The following EHBP1 variants were observed in gnomAD, a reference collection of about 807,000 sequenced individuals.
EHBP1 encodes EH domain binding protein 1.
EHBP1 carries 55 observed loss-of-function variants against 144.0 expected under a neutral mutation model. The ratio of observed to expected loss-of-function variants is 0.38; its 90% CI spans 0.31 to 0.48. The LOEUF is 0.48. Ranked by LOEUF, EHBP1 falls within the 20% of genes least tolerant of loss-of-function variation. The probability of loss-of-function intolerance (pLI) is 0.98; values close to 1 mark genes in which losing one functional copy is unlikely to be tolerated. For synonymous variants in EHBP1, 469 were observed against 472.7 expected (o/e 0.99, Z 0.10); for missense variants, 1,200 against 1,364.2 (o/e 0.88, Z 1.90).
At chr2:62,790,054 C>T (rs1298337125) in intron 5 of EHBP1, among the ~76,000 whole-genome samples, 2 of 152,132 alleles carry the variant, frequency 1.3e-5, no homozygotes, top group African/African-American at 4.8e-5. Flanking sequence ...TTCAGTGAGC[C>T]AGTCTTTGAA....
At chr2:63,038,459 G>A (rs2061532915) in intron 20 of EHBP1, among the ~76,000 whole-genome samples, 1 of 152,050 alleles carries the variant, frequency 6.6e-6, no homozygotes, top group Non-Finnish European at 1.5e-5. Context: ...TTAGAAAATA[G>A]CCTTATACTT....
intron 5 of EHBP1, among the ~76,000 whole-genome samples, chr2:62,811,977 G>C (rs989764917): frequency 6.6e-6 from 1 of 152,162 alleles, no homozygotes; most frequent in Admixed American, 6.5e-5. Flanking sequence ...CCTTTAAGAG[G>C]TGATTAGATC....
At chr2:62,911,533 C>T (rs759230776) in intron 10 of EHBP1, among the ~76,000 whole-genome samples, 1 of 152,166 alleles carries the variant, frequency 6.6e-6, no homozygotes, top group African/African-American at 2.4e-5. Flanking sequence ...ACAATTTTGG[C>T]TCACTGCAAC....
At chr2:63,005,964 T>C (rs988873591) in intron 19 of EHBP1, among the ~76,000 whole-genome samples, 1 of 152,022 alleles carries the variant, frequency 6.6e-6, no homozygotes. Context: ...TTTATATAAT[T>C]GAGTATAGGA....
chr2:62,752,961 C>A (rs901208985), intron 3 of EHBP1, among the ~76,000 whole-genome samples: 1 of 152,074 alleles, frequency 6.6e-6, no homozygotes. Context: ...ATCCAAATTG[C>A]CAGTTTGTTT....
In EHBP1 at chr2:62,707,163, G is replaced by GTGTCTT. The variant is rs1558524148; in HGVS notation, c.-29_-28insTGTCTT. 6 of 1,586,680 alleles carry GTGTCTT rather than the reference G, an allele frequency of 3.8e-6. No individual in the cohort carries two copies. In the African/African-American group the frequency reaches 8.1e-5, roughly 21 times the overall value. ...TTAAAGCTGCTGTATTGCTAACCCA[G>GTGTCTT]AACTGCTCCAGTGTCTTGACTGATC... On this transcript the variant is annotated 5_prime_UTR_variant, in exon 2 of 23. Coordinates refer to ENST00000431489, the MANE Select transcript of EHBP1 (RefSeq NM_001142616.3).
intron 2 of EHBP1, among the ~76,000 whole-genome samples, chr2:62,728,517 A>G (rs540230323): frequency 1.3e-5 from 2 of 152,192 alleles, no homozygotes; most frequent in Non-Finnish European, 1.5e-5. Context: ...CAATATTTTC[A>G]TATGCTTATA....
At chr2:63,025,095 T>C (rs755245497) in intron 19 of EHBP1, among the ~76,000 whole-genome samples, 12 of 152,250 alleles carry the variant, frequency 7.9e-5, no homozygotes, top group Admixed American at 2.0e-4. Flanking sequence ...ATTAAAAGAT[T>C]AGTTTCCATC....
rs2045738082 is a variant in EHBP1, at chr2:62,819,647, C to T, written c.313-6440C>T. On this transcript the variant is annotated intron_variant, in intron 5 of 22. Coordinates refer to ENST00000431489, the MANE Select transcript of EHBP1 (RefSeq NM_001142616.3). The stretch of plus-strand genomic sequence containing the variant: ...GGCATGGTGGTGCACACCTGTAATC[C>T]CAGCTACTTGGGAGACTGAGGAAGG... Among the ~76,000 whole-genome samples the T allele has an allele frequency of 2.0e-5, 3 of 151,606 alleles. No homozygotes were observed. The South Asian group carries it at 6.3e-4, about 32-fold the overall frequency.
chr2:62,968,990 A>T (rs2058370842), intron 14 of EHBP1, among the ~76,000 whole-genome samples: 1 of 152,238 alleles, frequency 6.6e-6, no homozygotes. Flanking sequence ...ACACAAGGTG[A>T]TACTTACTTA....
At chr2:62,821,137 A>T (rs1228474419) in intron 5 of EHBP1, among the ~76,000 whole-genome samples, 1 of 152,104 alleles carries the variant, frequency 6.6e-6, no homozygotes, top group African/African-American at 2.4e-5. Flanking sequence ...GCCCTGAAAA[A>T]TTATAAAAAT....
chr2:62,998,966 A>G (rs1173692553), intron 19 of EHBP1, among the ~76,000 whole-genome samples: 2 of 152,142 alleles, frequency 1.3e-5, no homozygotes, highest in African/African-American at 2.4e-5. Context: ...GAAAGGGTAC[A>G]TTCATCCTTT....
chr2:62,842,605 C>T (rs538485036), intron 7 of EHBP1, among the ~76,000 whole-genome samples: 75 of 152,312 alleles, frequency 4.9e-4, no homozygotes, highest in South Asian at 2.3e-3. Flanking sequence ...TGCCCCCTGC[C>T]TCTTAAGCTT....
chr2:62,771,285 A>T, intron 4 of EHBP1, 54 bp from the exon 5 acceptor site: 1 of 1,365,040 alleles, frequency 7.3e-7, no homozygotes. Flanking sequence ...AATTGGGTTT[A>T]TTGGACTAAA....
intron 10 of EHBP1, among the ~76,000 whole-genome samples, chr2:62,929,386 A>C (rs2055797419): frequency 6.6e-6 from 1 of 152,212 alleles, no homozygotes; most frequent in Admixed American, 6.5e-5. Context: ...ACCACAACCA[A>C]GTGGGATTTA....
chr2:62,821,919 T>A (rs2046012457), intron 5 of EHBP1, among the ~76,000 whole-genome samples: 1 of 152,204 alleles, frequency 6.6e-6, no homozygotes, highest in Admixed American at 6.5e-5. Context: ...CAATGCATAA[T>A]AATCACATCA....
At chr2:62,848,756 C>T (rs2048476197) in intron 7 of EHBP1, among the ~76,000 whole-genome samples, 1 of 152,054 alleles carries the variant, frequency 6.6e-6, no homozygotes, top group Admixed American at 6.5e-5. Context: ...ATAGTTATAG[C>T]CTGTGGGACT....
At chr2:62,727,071 C>T (rs970530210) in intron 2 of EHBP1, among the ~76,000 whole-genome samples, 2 of 152,188 alleles carry the variant, frequency 1.3e-5, no homozygotes, top group African/African-American at 4.8e-5. Context: ...CCATGTTGGT[C>T]AGGCTGGTCT....
chr2:62,993,587 A>T lies in EHBP1; in HGVS notation c.2791A>T (p.Asn931Tyr). The T allele has an allele frequency of 2.5e-6, 4 of 1,609,634 alleles. No homozygotes were observed. Among genetic ancestry groups the T allele is most frequent in the Non-Finnish European group, 2.5e-6 (3 of 1,177,194 alleles). The change falls in exon 17 of 23, where the codon AAT becomes TAT. Residue 931 changes from asparagine (N) to tyrosine (Y), a missense_variant. Asn to Tyr is a moderately radical substitution (Grantham distance 143, BLOSUM62 -2). Coordinates refer to ENST00000431489, the MANE Select transcript of EHBP1 (RefSeq NM_001142616.3). ...RLQKTTERFR[N>Y]PVVFSKDSTV... ...ACAAAAAACAACAGAACGTTTTAGAAATCCTGTTGTGTTCAGCAAAGATTC... is the reference window on the plus strand; with the variant it reads ...ACAAAAAACAACAGAACGTTTTAGATATCCTGTTGTGTTCAGCAAAGATTC...
Sources: allele counts gnomAD v4.1 joint callset (sites outside exome capture counted in the v4.1 genomes callset), GRCh38; gene constraint gnomAD v4.1.1; transcripts MANE v1.5; gene names NCBI Gene and HGNC (gene_info 2026-07-23, HGNC 2026-07-21).